IFT43: variants seen among roughly 807,000 people sequenced by gnomAD.
IFT43 encodes intraflagellar transport protein 43 homolog.
In IFT43, 33 loss-of-function variants were observed where a neutral mutation model predicts 32.3. That is an observed-to-expected ratio of 1.02 (90% confidence interval 0.77 to 1.37). The LOEUF (loss-of-function observed/expected upper bound fraction) is 1.37, where lower values mean the gene tolerates loss of function less well. Among genes scored for constraint, IFT43 ranks in the 40% most tolerant of loss-of-function variants. The pLI, the probability that IFT43 is intolerant of heterozygous loss-of-function variation, is 0.00. For missense variants in IFT43, 274 were observed against 265.9 expected (o/e 1.03, Z -0.21); for synonymous variants, 93 against 98.2 (o/e 0.95, Z 0.31).
chr14:76,038,989 A>G (rs1594836634), intron 3 of IFT43, among the ~76,000 whole-genome samples: 1 of 152,288 alleles, frequency 6.6e-6, no homozygotes, highest in Non-Finnish European at 1.5e-5. Context: ...AAATGTGTAC[A>G]GTGAGGTGGG....
chr14:76,080,667 T>C (rs741512), intron 5 of IFT43, among the ~76,000 whole-genome samples: 74,320 of 152,110 alleles, frequency 0.49, 18,555 homozygotes, highest in African/African-American at 0.57. Context: ...CAGCTTCCTC[T>C]CTGTCCCTCC....
At chr14:76,061,847 T>C (rs1185898642) in intron 5 of IFT43, among the ~76,000 whole-genome samples, 1 of 152,158 alleles carries the variant, frequency 6.6e-6, no homozygotes, top group Non-Finnish European at 1.5e-5. Flanking sequence ...GCATCCCAAA[T>C]CCCAAAATCC....
Position 75,985,785 on chromosome 14 carries a change from A to G in IFT43, c.-2A>G. On this transcript the variant is annotated 5_prime_UTR_variant, in exon 1 of 9. Transcript: ENST00000314067. ...AGGAAGTGACGTCAGGCGGCCGCGG[A>G]GATGGAGGATTTGCTCGACTTGGAC... The G allele has an allele frequency of 6.2e-7, 1 of 1,614,042 alleles. No homozygotes were observed. Among genetic ancestry groups the G allele is most frequent in the Non-Finnish European group, 8.5e-7 (1 of 1,179,996 alleles).
In IFT43 at chr14:76,058,291, G is replaced by C. The variant is rs2037063418; in HGVS notation, c.216-351G>C. On this transcript the variant is annotated intron_variant, in intron 3 of 8. Coordinates refer to ENST00000314067, the MANE Select transcript of IFT43 (RefSeq NM_001102564.3). The stretch of plus-strand genomic sequence containing the variant: ...AGCTAACAACACCAAATAAGACCCA[G>C]GGTCTCAGTCCTAAGAAAGCACTCT... The C allele has an allele frequency of 7.3e-5, 22 of 299,888 alleles. 1 individual carries two copies. In the East Asian group the frequency reaches 8.1e-4, roughly 11 times the overall value. 18.6% of individuals were successfully genotyped at this position (299,888 alleles called of 1,614,324 possible). A position where few individuals can be genotyped will look rare whatever the true frequency, so the allele number is the denominator to read the frequency against.
At chr14:76,010,047 G>A (rs998997526) in intron 2 of IFT43, among the ~76,000 whole-genome samples, 1 of 152,038 alleles carries the variant, frequency 6.6e-6, no homozygotes, top group Non-Finnish European at 1.5e-5. Context: ...CTCCCTCCTC[G>A]GCCTCCCAAA....
Position 76,073,814 on chromosome 14 carries a change from C to T in IFT43, c.296-8481C>T, listed in dbSNP as rs374520429. 1.2e-3 allele frequency among the ~76,000 whole-genome samples: 177 copies of T among 152,256 alleles called. 4 individuals carry two copies. In the South Asian group the frequency reaches 0.035, roughly 30 times the overall value. ...AGCAGCGGAGGGACAGAGAAAGAGC[C>T]CCGCCGCCCTTGATTGTTGTGCTGC... On this transcript the variant is annotated intron_variant, in intron 5 of 8. Coordinates refer to ENST00000314067, the MANE Select transcript of IFT43 (RefSeq NM_001102564.3).
intron 3 of IFT43, among the ~76,000 whole-genome samples, chr14:76,031,049 TAAA>T (rs1469989800): frequency 2.0e-5 from 3 of 147,996 alleles, no homozygotes; most frequent in Admixed American, 6.8e-5. Context: ...TATACATACA[TAAA>T]AATTATATAA....
chr14:76,017,258 AG>A (rs1270700903), intron 2 of IFT43, among the ~76,000 whole-genome samples: 1 of 152,180 alleles, frequency 6.6e-6, no homozygotes, highest in Non-Finnish European at 1.5e-5. Context: ...TTTATTATGA[AG>A]GGATGTTCAA....
intron 2 of IFT43, among the ~76,000 whole-genome samples, chr14:75,998,636 T>G (rs889887329): frequency 1.3e-5 from 2 of 152,098 alleles, no homozygotes; most frequent in Admixed American, 6.5e-5. Flanking sequence ...TCAGCAGTGT[T>G]TGATGCTGCC....
intron 2 of IFT43, among the ~76,000 whole-genome samples, chr14:75,999,276 TA>T (rs2035835077): frequency 8.6e-4 from 21 of 24,498 alleles, no homozygotes; most frequent in South Asian, 3.5e-3. Flanking sequence ...TATATATGTA[TA>T]TATATTTTTT....
intron 3 of IFT43, among the ~76,000 whole-genome samples, chr14:76,051,757 A>G (rs1304471293): frequency 6.6e-6 from 1 of 152,200 alleles, no homozygotes; most frequent in Non-Finnish European, 1.5e-5. Context: ...ACATTTTAAA[A>G]ATGTAAAGTA....
At chr14:75,998,945 G>C (rs1003430382) in intron 2 of IFT43, among the ~76,000 whole-genome samples, 1 of 151,908 alleles carries the variant, frequency 6.6e-6, no homozygotes, top group Non-Finnish European at 1.5e-5. Context: ...GTGTTGCTCG[G>C]GATGACCTTG....
intron 5 of IFT43, among the ~76,000 whole-genome samples, chr14:76,063,779 A>G (rs530531044): frequency 6.6e-5 from 10 of 152,214 alleles, no homozygotes; most frequent in Non-Finnish European, 1.3e-4. Flanking sequence ...TAAAACTTAG[A>G]TAATTCTCTG....
chr14:75,985,781 G>A lies in IFT43; in HGVS notation c.-6G>A, dbSNP rs1028607592. On this transcript the variant is annotated 5_prime_UTR_variant, in exon 1 of 9. Transcript: ENST00000314067. ...TTCCAGGAAGTGACGTCAGGCGGCCGCGGAGATGGAGGATTTGCTCGACTT... is the reference window on the plus strand; with the variant it reads ...TTCCAGGAAGTGACGTCAGGCGGCCACGGAGATGGAGGATTTGCTCGACTT... The A allele has an allele frequency of 6.2e-7, 1 of 1,614,194 alleles. No individual in the cohort carries two copies. Among genetic ancestry groups the A allele is most frequent in the South Asian group, 1.1e-5 (1 of 91,080 alleles).
At chr14:75,989,938 C>T (rs2035604769) in intron 2 of IFT43, among the ~76,000 whole-genome samples, 1 of 152,246 alleles carries the variant, frequency 6.6e-6, no homozygotes, top group South Asian at 2.1e-4. Flanking sequence ...AATGCATTCT[C>T]CACCACTTTC....
At chr14:76,048,769 C>T (rs2036856104) in intron 3 of IFT43, among the ~76,000 whole-genome samples, 1 of 152,144 alleles carries the variant, frequency 6.6e-6, no homozygotes. Flanking sequence ...TAAAAGAGCC[C>T]ACGTGTTGAA....
chr14:76,034,630 A>C (rs1046226998), intron 3 of IFT43, among the ~76,000 whole-genome samples: 1 of 152,248 alleles, frequency 6.6e-6, no homozygotes. Flanking sequence ...CTCATAGCTA[A>C]GGAATATGAG....
intron 5 of IFT43, among the ~76,000 whole-genome samples, chr14:76,079,112 C>T (rs535444894): frequency 3.3e-5 from 5 of 152,172 alleles, no homozygotes; most frequent in African/African-American, 9.7e-5. Flanking sequence ...TAGGAGGAGG[C>T]GTCTTTGAAG....
chr14:76,076,393 G>T (rs1045877146), intron 5 of IFT43, among the ~76,000 whole-genome samples: 1 of 152,186 alleles, frequency 6.6e-6, no homozygotes, highest in Non-Finnish European at 1.5e-5. Context: ...AAGAAAATTA[G>T]CAAAGAGTTA....
Sources: gnomAD v4.1 joint callset for allele counts (sites outside exome capture counted in the v4.1 genomes callset) on GRCh38, gnomAD v4.1.1 for gene constraint, MANE v1.5 for transcripts, NCBI Gene and HGNC (gene_info 2026-07-23, HGNC 2026-07-21) for gene names.